Variants in SCNN1B observed in about 807,000 individuals in gnomAD.
SCNN1B encodes epithelial sodium channel subunit beta.
In SCNN1B, 46 loss-of-function variants were observed where a neutral mutation model predicts 65.3. The ratio of observed to expected loss-of-function variants is 0.70; its 90% CI spans 0.56 to 0.90. SCNN1B has a LOEUF of 0.90. Ranked by LOEUF, SCNN1B falls within the 40% of genes least tolerant of loss-of-function variation. SCNN1B has a pLI of 0.00. For synonymous variants in SCNN1B, 349 were observed against 330.6 expected (o/e 1.06, Z -0.60); for missense variants, 751 against 830.5 (o/e 0.90, Z 1.18).
chr16:23,310,746 C>T (rs1234939880), intron 1 of SCNN1B, among the ~76,000 whole-genome samples: 1 of 152,224 alleles, frequency 6.6e-6, no homozygotes, highest in African/African-American at 2.4e-5. Context: ...AGAGCAAAGG[C>T]TATAATTTGG....
chr16:23,352,750 T>G (rs749827120), intron 2 of SCNN1B, 51 bp from the exon 3 acceptor site: 26 of 1,605,716 alleles, frequency 1.6e-5, no homozygotes, highest in Non-Finnish European at 2.1e-5. Context: ...TCATTTGCTC[T>G]GCTTTACAGA....
Position 23,348,767 on chromosome 16 carries a change from C to T in SCNN1B, c.168C>T (p.Thr56=). Residue 56 remains threonine, a synonymous_variant, in exon 2 of 13, where the codon ACC becomes ACT. Transcript: ENST00000343070. The surrounding 1 kb of genome is among the most constrained non-coding windows in gnomAD (Gnocchi z 4.5). The part of the protein sequence containing the change: ...PKKKAMWFLL[T]LLFAALVCWQ... ...AGAAAGCCATGTGGTTCCTGCTCACCCTGCTCTTCGCCGCCCTCGTCTGCT... is the reference window on the plus strand; with the variant it reads ...AGAAAGCCATGTGGTTCCTGCTCACTCTGCTCTTCGCCGCCCTCGTCTGCT... 6.2e-7 allele frequency: 1 copy of T among 1,614,166 alleles called. No homozygotes were observed. Among genetic ancestry groups the T allele is most frequent in the Non-Finnish European group, 8.5e-7 (1 of 1,180,026 alleles).
At chr16:23,354,143 G>T (rs1364375382) in intron 3 of SCNN1B, among the ~76,000 whole-genome samples, 1 of 152,192 alleles carries the variant, frequency 6.6e-6, no homozygotes, top group Admixed American at 6.5e-5. Flanking sequence ...TCATATGGGG[G>T]ATCTGCTGTG....
chr16:23,290,624 G>A (rs969351056), intron 2 of SCNN1B, among the ~76,000 whole-genome samples: 2 of 152,162 alleles, frequency 1.3e-5, no homozygotes, highest in Non-Finnish European at 2.9e-5. Context: ...TAGCTTTTAA[G>A]GCCCCATAAC....
chr16:23,279,412 T>G (rs765874896), intron 1 of SCNN1B, among the ~76,000 whole-genome samples: 4 of 150,912 alleles, frequency 2.7e-5, no homozygotes, highest in Non-Finnish European at 5.9e-5. Context: ...AGGGTTGCCA[T>G]TTACTGAGAT....
chr16:23,372,110 G>A (rs1321065323), intron 7 of SCNN1B: 1 of 595,638 alleles, frequency 1.7e-6, no homozygotes, highest in African/African-American at 1.9e-5. Flanking sequence ...GTACCCCTGG[G>A]GAAGCCCAGG....
chr16:23,335,031 A>AT (rs909291210), intron 1 of SCNN1B, among the ~76,000 whole-genome samples: 33 of 151,994 alleles, frequency 2.2e-4, no homozygotes, highest in African/African-American at 7.7e-4. Context: ...TCTTTTCAAT[A>AT]TTTTTTTTCT....
At chr16:23,359,873 C>G (rs1392802656) in intron 4 of SCNN1B, among the ~76,000 whole-genome samples, 18 of 152,218 alleles carry the variant, frequency 1.2e-4, no homozygotes, top group Admixed American at 1.2e-3. Flanking sequence ...GGTGCAATGC[C>G]TGGCACATAG....
intron 1 of SCNN1B, among the ~76,000 whole-genome samples, chr16:23,282,681 A>AG (rs1490206516): frequency 6.6e-6 from 1 of 152,236 alleles, no homozygotes; most frequent in Non-Finnish European, 1.5e-5. Context: ...CACACCCACT[A>AG]GTGTGCCATG....
At chr16:23,317,433 G>A (rs993123486) in intron 1 of SCNN1B, among the ~76,000 whole-genome samples, 5 of 152,198 alleles carry the variant, frequency 3.3e-5, no homozygotes, top group African/African-American at 9.6e-5. Flanking sequence ...GCAGTGTGGG[G>A]ACATGACTGG....
At chr16:23,361,220 C>T (rs935022088) in intron 4 of SCNN1B, among the ~76,000 whole-genome samples, 9 of 152,178 alleles carry the variant, frequency 5.9e-5, no homozygotes, top group African/African-American at 1.4e-4. Context: ...TGAGCCACTG[C>T]GCCTGGCCTA....
chr16:23,380,299 C>A lies in SCNN1B; in HGVS notation c.1543-122C>A. 1 of 1,533,566 alleles carries A rather than the reference C, an allele frequency of 6.5e-7. No homozygotes were observed. Among genetic ancestry groups the A allele is most frequent in the Non-Finnish European group, 9.0e-7 (1 of 1,109,804 alleles). 95.0% of individuals were successfully genotyped at this position (1,533,566 alleles called of 1,614,324 possible). A position where few individuals can be genotyped will look rare whatever the true frequency, so the allele number is the denominator to read the frequency against. ...CCTAAGACAGTCCCAAGTTATTCCC[C>A]TGGGCCAAGATGGTCACCCCCTCCC... is the stretch of plus-strand genomic sequence containing the variant. On this transcript the variant is annotated intron_variant, in intron 12 of 12. Transcript: ENST00000343070. The surrounding 1 kb of genome is among the most constrained non-coding windows in gnomAD (Gnocchi z 5.4).
rs201649568 is a variant in SCNN1B at position 23,375,838 on chromosome 16, G to A, written c.1253G>A (p.Arg418Gln). The A allele has an allele frequency of 3.8e-5, 61 of 1,612,452 alleles. No homozygotes were observed. The African/African-American group carries it at 4.7e-4, about 12-fold the overall frequency. The change falls in exon 8 of 13, where the codon CGG becomes CAG. Residue 418 changes from arginine to glutamine, a missense_variant. Physicochemically the swap from Arg to Gln is conservative, Grantham distance 43 (BLOSUM62 1). Coordinates refer to ENST00000343070, the MANE Select transcript of SCNN1B (RefSeq NM_000336.3). ...LPRGEKYCNN[R>Q]DFPDWAHCYS... is the part of the protein sequence containing the mutation. ...CGTGGGGAGAAATACTGCAACAACC[G>A]GGACTTCCCAGACTGGGGTGAGCGG...
rs757755874 is a variant in SCNN1B, at chr16:23,355,437, G to C, written c.724G>C (p.Gly242Arg). The change falls in exon 4 of 13, where the codon GGC becomes CGC. Residue 242 changes from glycine to arginine, a missense_variant. Physicochemically the swap from Gly to Arg is moderately radical, Grantham distance 125. Transcript: ENST00000343070. Reference protein sequence around the residue: ...QQELVEMSYPGEQMILACLFG... With the variant: ...QQELVEMSYPREQMILACLFG... ...GGAGCTAGTAGAGATGAGCTACCCC[G>C]GCGAGCAGATGATCCTGGCCTGCCT... 2 of 1,614,054 alleles carry C rather than the reference G, an allele frequency of 1.2e-6. No individual in the cohort carries two copies. The highest frequency in any genetic ancestry group is 2.7e-5 in the African/African-American group (2 of 74,922).
At position 23,371,564 on chromosome 16, in the gene SCNN1B, C is replaced by T. The variant is rs779633574; in HGVS notation, c.1044+102C>T. 5.9e-4 allele frequency: 733 copies of T among 1,246,178 alleles called. 2 individuals carry two copies. The highest frequency in any genetic ancestry group is 6.6e-4 in the Admixed American group (33 of 50,334). The allele number at this position is 1,246,178 out of a possible 1,614,324, so 77.2% of individuals were successfully genotyped here. A position where few individuals can be genotyped will look rare whatever the true frequency, so the allele number is the denominator to read the frequency against. ...CCTGGGAGGAGGGGATCTGGGCCCC[C>T]CAGCCCTGGCCTTCCTTCCTTTTGG... On this transcript the variant is annotated intron_variant, in intron 6 of 12. Coordinates refer to ENST00000343070, the MANE Select transcript of SCNN1B (RefSeq NM_000336.3).
chr16:23,306,591 CT>C (rs1201648969), intron 1 of SCNN1B, among the ~76,000 whole-genome samples: 2 of 152,192 alleles, frequency 1.3e-5, no homozygotes, highest in Non-Finnish European at 2.9e-5. Flanking sequence ...AAGTAAGACG[CT>C]GCAATACCTT....
intron 1 of SCNN1B, among the ~76,000 whole-genome samples, chr16:23,323,351 A>C (rs771154089): frequency 1.4e-4 from 22 of 152,222 alleles, no homozygotes; most frequent in Non-Finnish European, 2.9e-4. Flanking sequence ...ACTGAATAAC[A>C]GCATGAGTGA....
chr16:23,343,264 C>T (rs2142010760), intron 1 of SCNN1B, among the ~76,000 whole-genome samples: 1 of 145,452 alleles, frequency 6.9e-6, no homozygotes, highest in African/African-American at 2.4e-5. Context: ...ACCAGCCTGA[C>T]CAACATGGAT....
intron 4 of SCNN1B, among the ~76,000 whole-genome samples, chr16:23,366,634 T>C (rs1386591536): frequency 6.6e-6 from 1 of 152,106 alleles, no homozygotes; most frequent in Non-Finnish European, 1.5e-5. Flanking sequence ...CTCAGGAGGC[T>C]GAGGCAGGAG....
Sources: gnomAD v4.1 joint callset for allele counts (sites outside exome capture counted in the v4.1 genomes callset) on GRCh38, gnomAD v4.1.1 for gene constraint, Gnocchi (gnomAD v3.1) non-coding constraint, MANE v1.5 for transcripts, NCBI Gene and HGNC (gene_info 2026-07-23, HGNC 2026-07-21) for gene names.